Variants in TNIP1 observed in about 807,000 individuals in gnomAD.
TNIP1 encodes TNFAIP3-interacting protein 1.
In TNIP1, 22 loss-of-function variants were observed where a neutral mutation model predicts 86.6. The ratio of observed to expected loss-of-function variants is 0.25; its 90% CI spans 0.18 to 0.36. The LOEUF (loss-of-function observed/expected upper bound fraction) is 0.36, where lower values mean the gene tolerates loss of function less well. TNIP1 is among the 10% of genes least tolerant of loss of function. TNIP1 has a pLI of 1.00. For synonymous variants in TNIP1, 294 were observed against 313.0 expected (o/e 0.94, Z 0.64); for missense variants, 709 against 820.6 (o/e 0.86, Z 1.66).
intron 1 of TNIP1, among the ~76,000 whole-genome samples, chr5:151,080,655 C>T (rs1040711021): frequency 6.6e-6 from 1 of 152,218 alleles, no homozygotes; most frequent in Non-Finnish European, 1.5e-5. Flanking sequence ...GCGTGCTACC[C>T]CGCGCAGTGC....
At chr5:151,032,182 C>T in intron 17 of TNIP1, 105 bp downstream of exon 17, 1 of 973,054 alleles carries the variant, frequency 1.0e-6, no homozygotes, top group Non-Finnish European at 1.5e-6. Context: ...GCCTCTCCTC[C>T]ACCAAGAGCA....
intron 8 of TNIP1, chr5:151,046,165 G>C: frequency 5.4e-6 from 3 of 554,582 alleles, no homozygotes; most frequent in South Asian, 4.1e-5. Context: ...ACTCAGGGTG[G>C]CTGCCAGGCC....
chr5:151,038,165 C>T (rs908966907), intron 12 of TNIP1, among the ~76,000 whole-genome samples: 3 of 152,172 alleles, frequency 2.0e-5, no homozygotes, highest in Non-Finnish European at 2.9e-5. Flanking sequence ...CCAGACTTGG[C>T]ATAATCAGTG....
chr5:151,079,190 T>C (rs1763724543), intron 1 of TNIP1, among the ~76,000 whole-genome samples: 1 of 152,156 alleles, frequency 6.6e-6, no homozygotes, highest in Admixed American at 6.5e-5. Flanking sequence ...ATCACATTAT[T>C]TTCCCGGGAC....
At chr5:151,068,974 C>A (rs1009337269) in intron 1 of TNIP1, among the ~76,000 whole-genome samples, 1 of 152,384 alleles carries the variant, frequency 6.6e-6, no homozygotes. Flanking sequence ...GCCAGCGGGG[C>A]CTCCACAGCC....
chr5:151,046,644 AT>A (rs1165327506), intron 8 of TNIP1, among the ~76,000 whole-genome samples: 1 of 152,162 alleles, frequency 6.6e-6, no homozygotes, highest in Non-Finnish European at 1.5e-5. Flanking sequence ...TCTTATAGTG[AT>A]GGAAAGTAAG....
Position 151,062,124 on chromosome 5 carries a change from T to TA in TNIP1, c.357+2dup. ...TCCACCCATGACTCCAAATAAAACT[T>TA]ACACTGGATGGAGGCTTCTGGACTG... On this transcript the variant is annotated splice_region_variant and intron_variant, in intron 4 of 17. Transcript: ENST00000521591. 6.2e-7 allele frequency: 1 copy of TA among 1,613,986 alleles called. No individual in the cohort carries two copies. Among genetic ancestry groups the TA allele is most frequent in the Non-Finnish European group, 8.5e-7 (1 of 1,179,902 alleles).
chr5:151,030,152 G>A lies in TNIP1; in HGVS notation c.*561C>T, dbSNP rs1170243279. The A allele has an allele frequency of 6.6e-6, 3 of 456,750 alleles. No homozygotes were observed. Among genetic ancestry groups the A allele is most frequent in the Non-Finnish European group, 1.3e-5 (3 of 226,982 alleles). The allele number at this position is 456,750 out of a possible 1,614,324, so 28.3% of individuals were successfully genotyped here. On this transcript the variant is annotated 3_prime_UTR_variant, in exon 18 of 18. Transcript: ENST00000521591. The stretch of plus-strand genomic sequence containing the variant: ...CTCCCATCTGTGATGGCTTCAGCAA[G>A]GCTACTGTGAGTGGTGGTGGAGAGG...
intron 6 of TNIP1, 58 bp from the exon 7 acceptor site, chr5:151,052,317 G>A (rs1760049003): frequency 1.4e-6 from 2 of 1,469,212 alleles, no homozygotes; most frequent in Admixed American, 3.7e-5. Context: ...CCAGGTGCAG[G>A]CTGAGCTAGA....
In TNIP1 at chr5:151,035,585, G is replaced by A; in HGVS notation, c.1518C>T (p.Ala506=). ...TCCTGGGTCCAGTCACTCTTACCTGGGCATTTGACAGGGTGACCTGGGCCT... is the reference window on the plus strand; with the variant it reads ...TCCTGGGTCCAGTCACTCTTACCTGAGCATTTGACAGGGTGACCTGGGCCT... ...KLQAQVTLSN[A]QLKAFKDEEK... is the part of the protein sequence containing the mutation. The change falls in exon 14 of 18, where the codon GCC becomes GCT. Residue 506 remains alanine (A), a synonymous_variant. Transcript: ENST00000521591. The A allele has an allele frequency of 6.2e-7, 1 of 1,614,132 alleles. No homozygotes were observed. The highest frequency in any genetic ancestry group is 8.5e-7 in the Non-Finnish European group (1 of 1,180,010).
chr5:151,065,900 T>C (rs961973047), intron 1 of TNIP1, among the ~76,000 whole-genome samples: 6 of 152,214 alleles, frequency 3.9e-5, no homozygotes, highest in African/African-American at 1.4e-4. Context: ...GGTTTTTTTT[T>C]AGTAATCTGT....
intron 8 of TNIP1, among the ~76,000 whole-genome samples, chr5:151,048,376 C>A (rs887918253): frequency 7.0e-6 from 1 of 143,234 alleles, no homozygotes; most frequent in Non-Finnish European, 1.5e-5. Context: ...TCCTCACAAC[C>A]ACCCCTTGAG....
At chr5:151,079,937 G>A (rs1233328176) in intron 1 of TNIP1, 1 of 151,860 alleles carries the variant, frequency 6.6e-6, no homozygotes, top group African/African-American at 2.4e-5. Context: ...CGTACTGTGA[G>A]AAAAAAATGA....
rs746968941 is a variant in TNIP1 at position 151,056,925 on chromosome 5, G to T, written c.468C>A (p.Asn156Lys). The T allele has an allele frequency of 1.9e-6, 3 of 1,576,660 alleles. No individual in the cohort carries two copies. Among genetic ancestry groups the T allele is most frequent in the East Asian group, 2.4e-5 (1 of 41,462 alleles). ...ALGPLPREDGNLMLHLQRLET... is the reference protein window; with the variant it reads ...ALGPLPREDGKLMLHLQRLET... Reference sequence around the variant, plus strand: ...CCAGGCGCTGCAGGTGCAGCATCAGGTTGCCGTCCTCACGGGGCAGGGGGC... The same window carrying T: ...CCAGGCGCTGCAGGTGCAGCATCAGTTTGCCGTCCTCACGGGGCAGGGGGC... The change falls in exon 6 of 18, where the codon AAC becomes AAA. Residue 156 changes from asparagine (N) to lysine (K), a missense_variant. Physicochemically the swap from Asn to Lys is moderately conservative, Grantham distance 94 (BLOSUM62 0). Transcript: ENST00000521591.
chr5:151,086,334 C>T (rs1764275618), intron 1 of TNIP1, among the ~76,000 whole-genome samples: 1 of 152,278 alleles, frequency 6.6e-6, no homozygotes, highest in East Asian at 1.9e-4. Flanking sequence ...GTCTGCCTGC[C>T]CTTGGCCCAC....
At chr5:151,076,725 G>A (rs552293637) in intron 1 of TNIP1, among the ~76,000 whole-genome samples, 1 of 152,252 alleles carries the variant, frequency 6.6e-6, no homozygotes, top group African/African-American at 2.4e-5. Flanking sequence ...GGAAGAACCC[G>A]GGCTGATGTG....
intron 12 of TNIP1, among the ~76,000 whole-genome samples, chr5:151,037,743 C>G (rs1038945398): frequency 6.6e-6 from 1 of 152,184 alleles, no homozygotes; most frequent in South Asian, 2.1e-4. Context: ...AGGACAGCAT[C>G]GCCCATGGGC....
chr5:151,068,429 G>GGA (rs199990067), intron 1 of TNIP1, among the ~76,000 whole-genome samples: 1,856 of 152,262 alleles, frequency 0.012, 39 homozygotes, highest in African/African-American at 0.042. Context: ...TTATCAGGTG[G>GGA]GAGAGAGATG....
chr5:151,052,463 A>G (rs1168225960), intron 6 of TNIP1, among the ~76,000 whole-genome samples: 2 of 152,206 alleles, frequency 1.3e-5, no homozygotes, highest in African/African-American at 2.4e-5. Flanking sequence ...ACTACGGAGA[A>G]GCCTGACCAA....
Sources: allele counts gnomAD v4.1 joint callset (sites outside exome capture counted in the v4.1 genomes callset), GRCh38; gene constraint gnomAD v4.1.1; transcripts MANE v1.5; gene names NCBI Gene and HGNC (gene_info 2026-07-23, HGNC 2026-07-21).